DMD: variants seen among roughly 807,000 people sequenced by gnomAD.
The protein encoded by DMD is dystrophin, also known as mutant dystrophin.
In DMD, 63 loss-of-function variants were observed where a neutral mutation model predicts 330.1. That is an observed-to-expected ratio of 0.19 (90% confidence interval 0.16 to 0.24). The LOEUF is 0.24. DMD is among the 10% of genes least tolerant of loss of function. The pLI, the probability that DMD is intolerant of heterozygous loss-of-function variation, is 1.00. For missense variants in DMD, 3,344 were observed against 2,684.1 expected (o/e 1.25, Z -5.43); for synonymous variants, 1,223 against 959.8 (o/e 1.27, Z -5.07).
intron 2 of DMD, among the ~76,000 whole-genome samples, chrX:32,982,877 G>A (rs2092742984): frequency 8.9e-6 from 1 of 112,283 alleles, no homozygotes; most frequent in South Asian, 3.7e-4. Flanking sequence ...AACACTCTCT[G>A]TTCCTGGTGG....
intron 1 of DMD, among the ~76,000 whole-genome samples, chrX:33,293,132 A>C (rs187073539): frequency 1.5e-3 from 167 of 111,389 alleles, no homozygotes; most frequent in African/African-American, 5.1e-3. Flanking sequence ...TTTGATTTTT[A>C]TCTTTTCTCA....
intron 1 of DMD, among the ~76,000 whole-genome samples, chrX:33,164,015 A>T (rs1011471281): frequency 2.7e-5 from 3 of 111,445 alleles, no homozygotes; most frequent in Non-Finnish European, 5.6e-5. Flanking sequence ...AAGACTATAG[A>T]TATTTTTTCT....
chrX:32,603,680 A>G (rs776551565), intron 12 of DMD, among the ~76,000 whole-genome samples: 1 of 111,471 alleles, frequency 9.0e-6, no homozygotes, highest in South Asian at 3.7e-4. Flanking sequence ...TGACGTTACA[A>G]CTGATACCAT....
chrX:33,055,115 G>C (rs1354958622), intron 1 of DMD, among the ~76,000 whole-genome samples: 2 of 111,607 alleles, frequency 1.8e-5, no homozygotes, highest in Non-Finnish European at 3.8e-5. Context: ...AGAGATTTAC[G>C]ATAGGAGAGC....
chrX:32,289,800 C>A (rs2097458941), intron 42 of DMD, among the ~76,000 whole-genome samples: 1 of 111,451 alleles, frequency 9.0e-6, no homozygotes, highest in African/African-American at 3.3e-5. Flanking sequence ...CTAGGAATTG[C>A]TGACTCCTTT....
At chrX:33,170,218 C>G (rs547009562) in intron 1 of DMD, among the ~76,000 whole-genome samples, 1 of 111,403 alleles carries the variant, frequency 9.0e-6, no homozygotes, top group African/African-American at 3.2e-5. Flanking sequence ...AGTAACTAGA[C>G]TAGATCCTGC....
chrX:33,121,222 T>C, intron 1 of DMD, among the ~76,000 whole-genome samples: 1 of 108,864 alleles, frequency 9.2e-6, no homozygotes, highest in Non-Finnish European at 1.9e-5. Context: ...TTTGACTCAA[T>C]TTATCATTCT....
At chrX:32,779,261 C>T (rs1411418927) in intron 7 of DMD, among the ~76,000 whole-genome samples, 1 of 104,699 alleles carries the variant, frequency 9.6e-6, no homozygotes, top group African/African-American at 3.9e-5. Context: ...ACTGCACACA[C>T]ACAGAGAGTC....
intron 1 of DMD, among the ~76,000 whole-genome samples, chrX:33,328,488 G>A (rs752118588): frequency 3.6e-5 from 4 of 111,204 alleles, no homozygotes; most frequent in South Asian, 3.9e-4. Context: ...GAGCCACCAC[G>A]CCCGGCCCAT....
At position 31,135,619 on chromosome X, in the gene DMD, G is replaced by C. The variant is rs184171751; in HGVS notation, c.10922-1425C>G. On this transcript the variant is annotated intron_variant, in intron 76 of 78. Coordinates refer to ENST00000357033, the MANE Select transcript of DMD (RefSeq NM_004006.3). The stretch of plus-strand genomic sequence containing the variant: ...ATCTCCTTGTAGATTTTGTGAATCT[G>C]TGTCTGTATTGTTTGTTCATGTGTT... Among the ~76,000 whole-genome samples the C allele has an allele frequency of 3.9e-3, 444 of 112,435 alleles. 2 individuals are homozygous for C. Among genetic ancestry groups the C allele is most frequent in the African/African-American group, 0.014 (419 of 30,990 alleles).
chrX:32,600,264 A>G (rs955892451), intron 12 of DMD, among the ~76,000 whole-genome samples: 8 of 111,905 alleles, frequency 7.1e-5, no homozygotes, highest in Non-Finnish European at 5.6e-5. Flanking sequence ...CACATGTAAA[A>G]TAATACTTAG....
intron 44 of DMD, among the ~76,000 whole-genome samples, chrX:32,141,079 C>T (rs758686448): frequency 1.8e-5 from 2 of 110,591 alleles, no homozygotes; most frequent in African/African-American, 3.3e-5. Flanking sequence ...GTTTTGGTCA[C>T]CTCATTGTTA....
chrX:32,325,530 G>C (rs907293673), intron 41 of DMD, among the ~76,000 whole-genome samples: 1 of 111,781 alleles, frequency 8.9e-6, no homozygotes, highest in Admixed American at 9.5e-5. Flanking sequence ...TGGAAGCATA[G>C]ACTAAGACAA....
chrX:31,673,003 G>A (rs749266449), intron 53 of DMD, among the ~76,000 whole-genome samples: 162 of 112,361 alleles, frequency 1.4e-3, no homozygotes, highest in African/African-American at 5.2e-3. Flanking sequence ...CTCTAAGTCG[G>A]GCCAAATAAA....
intron 5 of DMD, among the ~76,000 whole-genome samples, chrX:32,819,005 GTTTT>G (rs55923814): frequency 2.4e-4 from 17 of 69,840 alleles, no homozygotes; most frequent in Non-Finnish European, 4.1e-4. Context: ...TTCTACAGGT[GTTTT>G]TTTTTTTTTT....
chrX:32,869,407 G>A (rs752008030), intron 2 of DMD, among the ~76,000 whole-genome samples: 8 of 110,866 alleles, frequency 7.2e-5, no homozygotes, highest in African/African-American at 2.3e-4. Flanking sequence ...TGAGACGGCT[G>A]AATTGACAGA....
intron 55 of DMD, among the ~76,000 whole-genome samples, chrX:31,516,674 C>T (rs993666688): frequency 3.6e-5 from 4 of 111,510 alleles, no homozygotes; most frequent in African/African-American, 6.5e-5. Context: ...GCTTTAAAAA[C>T]GGCTGTTATT....
intron 1 of DMD, among the ~76,000 whole-genome samples, chrX:33,330,362 G>T (rs954560003): frequency 3.6e-5 from 4 of 111,491 alleles, no homozygotes; most frequent in African/African-American, 1.3e-4. Context: ...GGTTTATTTG[G>T]CAATAGATCT....
intron 2 of DMD, among the ~76,000 whole-genome samples, chrX:32,891,938 G>A (rs752181275): frequency 1.8e-5 from 2 of 110,952 alleles, no homozygotes; most frequent in South Asian, 7.7e-4. Context: ...TAGTTTGGGG[G>A]TTACTGCCTG....
Sources: allele counts gnomAD v4.1 joint callset (sites outside exome capture counted in the v4.1 genomes callset), GRCh38; gene constraint gnomAD v4.1.1; transcripts MANE v1.5; gene names NCBI Gene and HGNC (gene_info 2026-07-23, HGNC 2026-07-21).